DOCK4: variants seen among roughly 807,000 people sequenced by gnomAD.
The protein encoded by DOCK4 is dedicator of cytokinesis 4.
DOCK4 carries 97 observed loss-of-function variants against 268.1 expected under a neutral mutation model. The observed-to-expected ratio is 0.36, with a 90% CI of 0.31 to 0.43. The LOEUF (loss-of-function observed/expected upper bound fraction) is 0.43, where lower values mean the gene tolerates loss of function less well. DOCK4 is among the 20% of genes least tolerant of loss of function. DOCK4 has a pLI of 1.00. For missense variants in DOCK4, 2,145 were observed against 2,455.7 expected (o/e 0.87, Z 2.67); for synonymous variants, 954 against 887.2 (o/e 1.08, Z -1.34).
chr7:111,976,177 T>TATATATATATATAC (rs1435347839), intron 8 of DOCK4, among the ~76,000 whole-genome samples: 1 of 89,164 alleles, frequency 1.1e-5, no homozygotes, highest in African/African-American at 7.1e-5. Context: ...TATATATATA[T>TATATATATATATAC]ACACACACAC....
At chr7:111,950,539 A>G (rs1411295015) in intron 8 of DOCK4, among the ~76,000 whole-genome samples, 3 of 152,114 alleles carry the variant, frequency 2.0e-5, no homozygotes, top group Admixed American at 2.0e-4. Flanking sequence ...TGTATCTTCA[A>G]CTCCTAGTGA....
chr7:112,050,669 C>T (rs937401556), intron 1 of DOCK4, among the ~76,000 whole-genome samples: 1 of 151,124 alleles, frequency 6.6e-6, no homozygotes, highest in African/African-American at 2.5e-5. Context: ...AGATAGCAAG[C>T]GTGCAAGAGA....
intron 35 of DOCK4, among the ~76,000 whole-genome samples, chr7:111,779,076 T>TAA (rs531970629): frequency 2.9e-5 from 4 of 136,796 alleles, no homozygotes; most frequent in African/African-American, 7.8e-5. Flanking sequence ...TAAAAATCTC[T>TAA]AAAAAAAAAA....
intron 1 of DOCK4, among the ~76,000 whole-genome samples, chr7:112,093,804 AAT>A (rs1481197081): frequency 1.3e-5 from 2 of 152,054 alleles, no homozygotes; most frequent in Non-Finnish European, 2.9e-5. Flanking sequence ...ATTCTATAGA[AAT>A]ATTGAGATAA....
intron 1 of DOCK4, among the ~76,000 whole-genome samples, chr7:112,201,123 A>AAAC (rs1403351078): frequency 1.3e-5 from 2 of 152,188 alleles, no homozygotes; most frequent in Admixed American, 1.3e-4. Context: ...AGAGTAAAGG[A>AAAC]AACACATCCT....
At chr7:111,912,716 C>A (rs1792217480) in intron 13 of DOCK4, among the ~76,000 whole-genome samples, 1 of 152,064 alleles carries the variant, frequency 6.6e-6, no homozygotes. Context: ...GGTCCAGACA[C>A]ACACAAAGAA....
intron 30 of DOCK4, among the ~76,000 whole-genome samples, chr7:111,804,443 T>TGA (rs1490618688): frequency 6.6e-6 from 1 of 152,020 alleles, no homozygotes; most frequent in Non-Finnish European, 1.5e-5. Context: ...GACAGGGGAA[T>TGA]GAGAAGTTAT....
At chr7:112,142,077 C>T (rs1261300311) in intron 1 of DOCK4, among the ~76,000 whole-genome samples, 2 of 152,262 alleles carry the variant, frequency 1.3e-5, no homozygotes, top group East Asian at 1.9e-4. Context: ...GAGGGAGAAA[C>T]AGGTTCTATG....
chr7:112,132,160 A>C (rs569186226), intron 1 of DOCK4, among the ~76,000 whole-genome samples: 61 of 152,138 alleles, frequency 4.0e-4, no homozygotes, highest in African/African-American at 1.4e-3. Flanking sequence ...CTTTGATAGG[A>C]TCTCATAAAT....
At chr7:112,006,100 G>C (rs146429415) in intron 1 of DOCK4, among the ~76,000 whole-genome samples, 2 of 152,248 alleles carry the variant, frequency 1.3e-5, no homozygotes, top group African/African-American at 4.8e-5. Context: ...AGACACTCAA[G>C]TGTAGGAAAA....
chr7:111,736,032 A>G (rs923756527), intron 50 of DOCK4, among the ~76,000 whole-genome samples: 1 of 152,184 alleles, frequency 6.6e-6, no homozygotes, highest in African/African-American at 2.4e-5. Context: ...CCTTAGTTCT[A>G]CTGACAAAGA....
chr7:111,988,534 C>CT (rs1295330774), intron 6 of DOCK4, among the ~76,000 whole-genome samples: 1 of 152,150 alleles, frequency 6.6e-6, no homozygotes, highest in Non-Finnish European at 1.5e-5. Flanking sequence ...ATGTACAGGA[C>CT]TAATCACAGC....
In DOCK4 at chr7:112,000,945, T is replaced by C. The variant is rs140123303; in HGVS notation, c.122-411A>G. 1.6e-3 allele frequency among the ~76,000 whole-genome samples: 250 copies of C among 152,264 alleles called. 1 individual carries two copies. Among genetic ancestry groups the C allele is most frequent in the African/African-American group, 5.5e-3 (228 of 41,540 alleles). ...GGGAAAGTCAAGAATCTGCACAAGA[T>C]TTCATACATTTCCAAATTCTACTTG... On this transcript the variant is annotated intron_variant, in intron 2 of 52. Coordinates refer to ENST00000428084, the MANE Select transcript of DOCK4 (RefSeq NM_001363540.2).
chr7:111,802,872 T>C (rs561184704), intron 30 of DOCK4, among the ~76,000 whole-genome samples: 61 of 152,306 alleles, frequency 4.0e-4, no homozygotes, highest in South Asian at 6.2e-4. Context: ...CCCAACTATT[T>C]TTTTTCTAGA....
chr7:112,032,942 C>T (rs994001798), intron 1 of DOCK4, among the ~76,000 whole-genome samples: 7 of 152,070 alleles, frequency 4.6e-5, no homozygotes, highest in Non-Finnish European at 8.8e-5. Flanking sequence ...GGAAAAGAGG[C>T]ATTAAAGTGC....
intron 1 of DOCK4, among the ~76,000 whole-genome samples, chr7:112,191,424 C>A (rs1164834642): frequency 6.6e-6 from 1 of 151,898 alleles, no homozygotes; most frequent in Non-Finnish European, 1.5e-5. Flanking sequence ...CACCTAGTGG[C>A]TCCTCTGTCA....
chr7:112,058,593 T>C (rs1168471921), intron 1 of DOCK4, among the ~76,000 whole-genome samples: 1 of 152,162 alleles, frequency 6.6e-6, no homozygotes, highest in East Asian at 1.9e-4. Flanking sequence ...ATTAAGTCCC[T>C]TGAGCAAAGG....
intron 1 of DOCK4, among the ~76,000 whole-genome samples, chr7:112,173,420 G>A (rs1042822994): frequency 3.9e-5 from 6 of 152,106 alleles, no homozygotes; most frequent in Non-Finnish European, 7.3e-5. Flanking sequence ...ACTTAGTGGC[G>A]AGGCAGCTGT....
At chr7:112,044,734 CT>C (rs1013017562) in intron 1 of DOCK4, among the ~76,000 whole-genome samples, 3 of 151,408 alleles carry the variant, frequency 2.0e-5, no homozygotes, top group Admixed American at 6.6e-5. Flanking sequence ...GGCCCCAAAC[CT>C]TTTTTTTTCT....
Sources: gnomAD v4.1 joint callset for allele counts (sites outside exome capture counted in the v4.1 genomes callset) on GRCh38, gnomAD v4.1.1 for gene constraint, MANE v1.5 for transcripts, NCBI Gene and HGNC (gene_info 2026-07-23, HGNC 2026-07-21) for gene names.